Variants in PIGK observed in about 807,000 individuals in gnomAD.
The protein encoded by PIGK is phosphatidylinositol glycan anchor biosynthesis class K, also known as GPI-anchor transamidase.
In PIGK, 42 loss-of-function variants were observed where a neutral mutation model predicts 50.6. The ratio of observed to expected loss-of-function variants is 0.83; its 90% CI spans 0.65 to 1.07. The LOEUF (loss-of-function observed/expected upper bound fraction) is 1.07. PIGK is among the 50% of genes least tolerant of loss of function. The pLI is 0.00. For synonymous variants in PIGK, 151 were observed against 156.0 expected (o/e 0.97, Z 0.24); for missense variants, 448 against 488.7 (o/e 0.92, Z 0.78).
At position 77,089,632 on chromosome 1, in the gene PIGK, T is replaced by A. The variant is rs899657125; in HGVS notation, c.*2742A>T. On this transcript the variant is annotated 3_prime_UTR_variant, in exon 11 of 11. Coordinates refer to ENST00000370812, the MANE Select transcript of PIGK (RefSeq NM_005482.3). ...AAGCAGAAACAAGCTGAGTTATGCT[T>A]CTTGTGGGAATCATCATTTTCAACT... The A allele has an allele frequency of 6.6e-6, 1 of 152,576 alleles. No homozygotes were observed. Among genetic ancestry groups the A allele is most frequent in the East Asian group, 1.9e-4 (1 of 5,196 alleles). 9.5% of individuals were successfully genotyped at this position (152,576 alleles called of 1,614,324 possible).
intron 3 of PIGK, among the ~76,000 whole-genome samples, chr1:77,197,090 G>C (rs1026996435): frequency 6.6e-6 from 1 of 152,108 alleles, no homozygotes; most frequent in Admixed American, 6.6e-5. Context: ...GTAAGTTAAT[G>C]CTAAACCAAT....
At chr1:77,123,001 TAATA>T (rs935130825) in intron 9 of PIGK, among the ~76,000 whole-genome samples, 2 of 152,156 alleles carry the variant, frequency 1.3e-5, no homozygotes, top group African/African-American at 4.8e-5. Context: ...ATTGACTGAA[TAATA>T]AATATATGAA....
At chr1:77,190,647 A>G (rs1296440161) in intron 3 of PIGK, among the ~76,000 whole-genome samples, 6 of 152,242 alleles carry the variant, frequency 3.9e-5, no homozygotes, top group African/African-American at 1.4e-4. Flanking sequence ...GATACAAATG[A>G]AAAATCTCAG....
At chr1:77,188,893 G>T (rs1213993991) in intron 3 of PIGK, among the ~76,000 whole-genome samples, 1 of 152,142 alleles carries the variant, frequency 6.6e-6, no homozygotes, top group African/African-American at 2.4e-5. Context: ...ACTTGTTAAG[G>T]TGCTTGCTGA....
At chr1:77,187,078 C>T (rs994072307) in intron 3 of PIGK, among the ~76,000 whole-genome samples, 1 of 152,160 alleles carries the variant, frequency 6.6e-6, no homozygotes, top group Non-Finnish European at 1.5e-5. Flanking sequence ...CTGAACAATG[C>T]ACTCAGTTTA....
At chr1:77,122,179 C>G (rs1654112304) in intron 10 of PIGK, 96 bp downstream of exon 10, 1 of 766,270 alleles carries the variant, frequency 1.3e-6, no homozygotes, top group Non-Finnish European at 2.2e-6. Context: ...TGCCTTTCAG[C>G]TATAGCACAT....
chr1:77,142,854 T>C (rs1654678888), intron 9 of PIGK, among the ~76,000 whole-genome samples: 1 of 152,056 alleles, frequency 6.6e-6, no homozygotes, highest in Admixed American at 6.6e-5. Context: ...CAAACCATAT[T>C]GGGAACCCAA....
chr1:77,130,297 CAAAAAAAAAAAAAAAAAA>C (rs749423746), intron 9 of PIGK, among the ~76,000 whole-genome samples: 3 of 41,494 alleles, frequency 7.2e-5, no homozygotes, highest in South Asian at 3.1e-3. Flanking sequence ...TACTCCTAAG[CAAAAAAAAAAAAAAAAAA>C]AAAAAAAAAA....
At chr1:77,141,681 TTTAA>T (rs957359564) in intron 9 of PIGK, among the ~76,000 whole-genome samples, 1 of 152,150 alleles carries the variant, frequency 6.6e-6, no homozygotes, top group Admixed American at 6.5e-5. Context: ...AATGAAAATC[TTTAA>T]TTACTTGATA....
intron 8 of PIGK, among the ~76,000 whole-genome samples, chr1:77,156,251 A>G (rs1057396414): frequency 6.6e-6 from 1 of 152,194 alleles, no homozygotes; most frequent in Non-Finnish European, 1.5e-5. Context: ...TACCAGCAGA[A>G]GAAAACATTT....
chr1:77,147,376 GA>G (rs147142459), intron 9 of PIGK, among the ~76,000 whole-genome samples: 2,080 of 152,220 alleles, frequency 0.014, 55 homozygotes, highest in African/African-American at 0.047. Context: ...GAGGGAACGG[GA>G]GGGGAGGTGA....
intron 9 of PIGK, chr1:77,129,620 G>C (rs1018141798): frequency 6.5e-7 from 1 of 1,546,202 alleles, no homozygotes; most frequent in Admixed American, 1.7e-5. Flanking sequence ...AGAAGAAAAA[G>C]ATATCCCAGA....
At chr1:77,210,634 A>T in intron 1 of PIGK, 145 bp from the exon 2 acceptor site, 1 of 555,054 alleles carries the variant, frequency 1.8e-6, no homozygotes, top group East Asian at 3.1e-5. Context: ...ATTTGTCATT[A>T]TGGACTACAC....
At chr1:77,165,887 C>A (rs1421125928) in intron 5 of PIGK, among the ~76,000 whole-genome samples, 1 of 152,014 alleles carries the variant, frequency 6.6e-6, no homozygotes, top group African/African-American at 2.4e-5. Context: ...CTACAACTGT[C>A]CCAGGTAATT....
At chr1:77,109,835 A>G (rs1337010980) in intron 10 of PIGK, among the ~76,000 whole-genome samples, 1 of 152,226 alleles carries the variant, frequency 6.6e-6, no homozygotes, top group East Asian at 1.9e-4. Flanking sequence ...CTGTTTGCAG[A>G]TGACATGATT....
chr1:77,125,002 C>T (rs1654196250), intron 9 of PIGK, among the ~76,000 whole-genome samples: 1 of 151,982 alleles, frequency 6.6e-6, no homozygotes, highest in South Asian at 2.1e-4. Context: ...TAAATATCTT[C>T]TGAAAAAATA....
intron 10 of PIGK, among the ~76,000 whole-genome samples, chr1:77,096,588 AG>A (rs1653409856): frequency 2.0e-5 from 3 of 152,180 alleles, no homozygotes; most frequent in Admixed American, 2.0e-4. Context: ...GCCAACTATA[AG>A]GGCAAAACCA....
chr1:77,212,727 G>A (rs913040583), intron 1 of PIGK, among the ~76,000 whole-genome samples: 7 of 152,080 alleles, frequency 4.6e-5, no homozygotes, highest in Non-Finnish European at 8.8e-5. Context: ...ACTATACAAC[G>A]ATAAAGGAAT....
chr1:77,130,421 ATT>A, intron 9 of PIGK, among the ~76,000 whole-genome samples: 1 of 150,966 alleles, frequency 6.6e-6, no homozygotes, highest in Non-Finnish European at 1.5e-5. Context: ...GGGAAATCTA[ATT>A]TTGTTTCTCC....
Sources: gnomAD v4.1 joint callset for allele counts (sites outside exome capture counted in the v4.1 genomes callset) on GRCh38, gnomAD v4.1.1 for gene constraint, MANE v1.5 for transcripts, NCBI Gene and HGNC (gene_info 2026-07-23, HGNC 2026-07-21) for gene names.